PLAAT3: variants seen among roughly 807,000 people sequenced by gnomAD.
The protein encoded by PLAAT3 is Ca-independent phospholipase A1/2.
PLAAT3 carries 21 observed loss-of-function variants against 16.7 expected under a neutral mutation model. The ratio of observed to expected loss-of-function variants is 1.26; its 90% CI spans 0.89 to 1.81. PLAAT3 has a LOEUF of 1.81. Among genes scored for constraint, PLAAT3 ranks in the 40% most tolerant of loss-of-function variants. PLAAT3 has a pLI of 0.00. For synonymous variants in PLAAT3, 76 were observed against 81.7 expected, an observed-to-expected ratio of 0.93 and a Z score of 0.38; for missense variants, 219 against 213.7, an observed-to-expected ratio of 1.02 and a Z score of -0.16.
chr11:63,610,640 C>A (rs191257731), intron 2 of PLAAT3, among the ~76,000 whole-genome samples: 30 of 152,280 alleles, frequency 2.0e-4, no homozygotes, highest in Admixed American at 7.8e-4. Flanking sequence ...TTAACTAGTT[C>A]CACACAGATC....
At chr11:63,588,977 CAAAAAAA>C (rs58090843) in intron 4 of PLAAT3, among the ~76,000 whole-genome samples, 4 of 46,910 alleles carry the variant, frequency 8.5e-5, no homozygotes, top group Admixed American at 2.8e-4. Flanking sequence ...ATGAGCCAAG[CAAAAAAA>C]AAAAAAAAAA....
intron 4 of PLAAT3, among the ~76,000 whole-genome samples, chr11:63,579,396 A>G (rs374028806): frequency 6.6e-6 from 1 of 152,060 alleles, no homozygotes; most frequent in African/African-American, 2.4e-5. Flanking sequence ...GGATTATAAA[A>G]CATGCTGCTA....
At position 63,614,084 on chromosome 11, in the gene PLAAT3, C is replaced by T; in HGVS notation, c.-54-16G>A. 6.2e-7 allele frequency: 1 copy of T among 1,611,850 alleles called. No individual in the cohort carries two copies. The highest frequency in any genetic ancestry group is 8.5e-7 in the Non-Finnish European group (1 of 1,178,378). ...GCGTAGATGTCTGAGGCAGGGGGAG[C>T]AGGGATTTATTGTCATTAACAGGAA... is the stretch of plus-strand genomic sequence containing the variant. On this transcript the variant is annotated splice_polypyrimidine_tract_variant and intron_variant, in intron 1 of 4. Coordinates refer to ENST00000415826, the MANE Select transcript of PLAAT3 (RefSeq NM_001128203.2).
Position 63,574,880 on chromosome 11 carries a change from ACT to A in PLAAT3, c.*63_*64del, listed in dbSNP as rs145239735. ...ATGAAATCCACAAACCAAACCCCAA[ACT>A]CTCTAGCAAAACAAGACCCCCTTGA... On this transcript the variant is annotated 3_prime_UTR_variant, in exon 5 of 5. Transcript: ENST00000415826. 2.4e-3 allele frequency: 2,285 copies of A among 949,836 alleles called. 49 individuals carry two copies. The African/African-American group carries it at 0.032, about 13-fold the overall frequency. 58.8% of individuals were successfully genotyped at this position (949,836 alleles called of 1,614,324 possible).
chr11:63,615,034 A>ATATATG (rs1555047764), upstream of PLAAT3, among the ~76,000 whole-genome samples: 30 of 28,058 alleles, frequency 1.1e-3, 6 homozygotes, highest in East Asian at 2.9e-3. Flanking sequence ...ATATGTGTGT[A>ATATATG]TATATATGTA....
At chr11:63,615,182 GTATATA>G (rs1160708888), upstream of PLAAT3, among the ~76,000 whole-genome samples, 1 of 27,116 alleles carries the variant, frequency 3.7e-5, no homozygotes, top group African/African-American at 1.0e-4. Flanking sequence ...GTATATGTGT[GTATATA>G]TATGTGTGTA....
intron 4 of PLAAT3, among the ~76,000 whole-genome samples, chr11:63,578,332 T>C (rs1289439760): frequency 6.6e-6 from 1 of 150,998 alleles, no homozygotes; most frequent in Non-Finnish European, 1.5e-5. Flanking sequence ...CCCATCTTAA[T>C]GGATAAAAGT....
intron 3 of PLAAT3, among the ~76,000 whole-genome samples, chr11:63,596,095 G>T (rs1938279536): frequency 6.6e-6 from 1 of 151,968 alleles, no homozygotes; most frequent in Non-Finnish European, 1.5e-5. Flanking sequence ...CAAAAAATTA[G>T]CCAGGGGTGG....
intron 4 of PLAAT3, among the ~76,000 whole-genome samples, chr11:63,581,358 G>T (rs1192599004): frequency 6.6e-6 from 1 of 152,090 alleles, no homozygotes; most frequent in Non-Finnish European, 1.5e-5. Flanking sequence ...AACAACCCTG[G>T]GGAAGGAATG....
chr11:63,596,155 G>C (rs962695358), intron 3 of PLAAT3, among the ~76,000 whole-genome samples: 8 of 145,164 alleles, frequency 5.5e-5, no homozygotes, highest in Non-Finnish European at 1.2e-4. Flanking sequence ...GCAGGAGAAC[G>C]GCGTGAACCC....
At chr11:63,583,794 G>A (rs1341644256) in intron 4 of PLAAT3, among the ~76,000 whole-genome samples, 1 of 151,706 alleles carries the variant, frequency 6.6e-6, no homozygotes, top group Non-Finnish European at 1.5e-5. Context: ...ATATTAAGAA[G>A]ACTGTTTTTT....
At chr11:63,616,386 G>A (rs1470197788), upstream of PLAAT3, 2 of 151,942 alleles carry the variant, frequency 1.3e-5, no homozygotes, top group Non-Finnish European at 2.9e-5. Flanking sequence ...TGAACGTAAT[G>A]TTCTCCAGGA....
chr11:63,613,304 G>T (rs1426138792), intron 2 of PLAAT3, among the ~76,000 whole-genome samples: 1 of 151,970 alleles, frequency 6.6e-6, no homozygotes, highest in Non-Finnish European at 1.5e-5. Context: ...CCAGCTACTC[G>T]GTAGGCTGAG....
intron 4 of PLAAT3, among the ~76,000 whole-genome samples, chr11:63,580,989 A>C (rs1298130143): frequency 6.6e-6 from 1 of 152,240 alleles, no homozygotes; most frequent in Non-Finnish European, 1.5e-5. Flanking sequence ...GCAATCTCTG[A>C]ACACAAATTG....
chr11:63,602,651 T>C (rs1367112393), intron 2 of PLAAT3, among the ~76,000 whole-genome samples: 2 of 151,980 alleles, frequency 1.3e-5, no homozygotes, highest in Admixed American at 1.3e-4. Flanking sequence ...ACATGAAAAT[T>C]ATATGAAATT....
intron 3 of PLAAT3, among the ~76,000 whole-genome samples, chr11:63,594,803 C>T (rs1164445699): frequency 2.0e-5 from 3 of 147,722 alleles, no homozygotes; most frequent in South Asian, 2.1e-4. Flanking sequence ...TATGTCAATA[C>T]GAATGATCCA....
At chr11:63,590,578 T>A (rs973010530) in intron 3 of PLAAT3, among the ~76,000 whole-genome samples, 5 of 152,168 alleles carry the variant, frequency 3.3e-5, no homozygotes, top group African/African-American at 1.2e-4. Context: ...GGGAGTGAAG[T>A]TCCATGATTT....
rs761442951 is a variant in PLAAT3 at position 63,590,232 on chromosome 11, C to T, written c.255G>A (p.Ser85=). The change falls in exon 4 of 5, where the codon TCG becomes TCA. Residue 85 remains serine (S), a synonymous_variant. Transcript: ENST00000415826. ...QVNNKHDDKY[S]PLPCSKIIQR... ...GGATGATTTTGCTGCAGGGCAGCGGCGAGTACTTGTCATCATGTTTGTTGT... is the reference window on the plus strand; with the variant it reads ...GGATGATTTTGCTGCAGGGCAGCGGTGAGTACTTGTCATCATGTTTGTTGT... 21 of 1,614,098 alleles carry T rather than the reference C, an allele frequency of 1.3e-5. No homozygotes were observed. The African/African-American group carries it at 1.3e-4, about 10-fold the overall frequency.
intron 4 of PLAAT3, among the ~76,000 whole-genome samples, chr11:63,582,972 C>T (rs2134396616): frequency 6.6e-6 from 1 of 152,004 alleles, no homozygotes; most frequent in South Asian, 2.1e-4. Flanking sequence ...CTCTACTAAA[C>T]ATACAAAAAT....
Sources: allele counts gnomAD v4.1 joint callset (sites outside exome capture counted in the v4.1 genomes callset), GRCh38; gene constraint gnomAD v4.1.1; transcripts MANE v1.5; gene names NCBI Gene and HGNC (gene_info 2026-07-23, HGNC 2026-07-21).